Variants in RSU1 observed in about 807,000 individuals in gnomAD.
The protein encoded by RSU1 is Ras suppressor protein 1, also known as rsu-1.
RSU1 carries 26 observed loss-of-function variants against 31.1 expected under a neutral mutation model. The observed-to-expected ratio is 0.84, with a 90% CI of 0.61 to 1.16. The LOEUF (loss-of-function observed/expected upper bound fraction) is 1.16. Among genes scored for constraint, RSU1 ranks in the 50% most tolerant of loss-of-function variants. The probability of loss-of-function intolerance (pLI) is 0.00; values close to 1 mark genes in which losing one functional copy is unlikely to be tolerated. For missense variants in RSU1, 320 were observed against 339.1 expected (o/e 0.94, Z 0.44); for synonymous variants, 164 against 136.3 (o/e 1.20, Z -1.41).
At chr10:16,709,508 C>A (rs994697172) in intron 7 of RSU1, among the ~76,000 whole-genome samples, 5 of 152,130 alleles carry the variant, frequency 3.3e-5, no homozygotes, top group African/African-American at 1.2e-4. Context: ...TGGGTATATA[C>A]CCAGCAATGG....
chr10:16,814,463 A>AC, intron 2 of RSU1, among the ~76,000 whole-genome samples: 1 of 143,758 alleles, frequency 7.0e-6, no homozygotes, highest in Non-Finnish European at 1.5e-5. Flanking sequence ...AAAAAAAAAA[A>AC]AAAAAGAAAA....
At chr10:16,759,956 A>G (rs1365074899) in intron 4 of RSU1, among the ~76,000 whole-genome samples, 3 of 152,166 alleles carry the variant, frequency 2.0e-5, no homozygotes, top group Non-Finnish European at 4.4e-5. Context: ...GCTCCTTAGA[A>G]TAAGGAGTCC....
intron 7 of RSU1, among the ~76,000 whole-genome samples, chr10:16,716,142 CTG>C (rs1024854379): frequency 1.3e-5 from 2 of 152,136 alleles, no homozygotes; most frequent in Admixed American, 1.3e-4. Context: ...ATTATGGAAA[CTG>C]AAACTATCTC....
intron 7 of RSU1, among the ~76,000 whole-genome samples, chr10:16,714,974 T>C (rs998844854): frequency 2.6e-4 from 39 of 152,292 alleles, no homozygotes; most frequent in African/African-American, 8.4e-4. Flanking sequence ...CAATGGGGAC[T>C]GCTGGGAATC....
At chr10:16,801,772 A>G (rs1838160331) in intron 2 of RSU1, among the ~76,000 whole-genome samples, 2 of 152,290 alleles carry the variant, frequency 1.3e-5, no homozygotes, top group Admixed American at 6.5e-5. Flanking sequence ...TTAACAACAT[A>G]TTTCTAAATA....
intron 7 of RSU1, among the ~76,000 whole-genome samples, chr10:16,713,206 A>T (rs971917697): frequency 1.1e-4 from 16 of 151,974 alleles, no homozygotes; most frequent in Non-Finnish European, 2.1e-4. Context: ...CTAACTGGGG[A>T]CCTCTGAACT....
At chr10:16,652,956 T>C (rs1163893626) in intron 8 of RSU1, among the ~76,000 whole-genome samples, 2 of 152,018 alleles carry the variant, frequency 1.3e-5, no homozygotes, top group African/African-American at 4.8e-5. Context: ...CGAGATTACA[T>C]GCGTGAGCCA....
intron 7 of RSU1, among the ~76,000 whole-genome samples, chr10:16,736,852 A>G (rs1836638438): frequency 1.3e-5 from 2 of 152,146 alleles, no homozygotes. Flanking sequence ...ATGAAATTAT[A>G]AAAAGAGCTA....
chr10:16,695,983 T>A (rs866400899), intron 7 of RSU1, among the ~76,000 whole-genome samples: 11 of 152,158 alleles, frequency 7.2e-5, no homozygotes, highest in African/African-American at 2.7e-4. Context: ...CCTCTGTTAA[T>A]GACCAGTTGA....
chr10:16,708,855 G>C (rs1835959792), intron 7 of RSU1, among the ~76,000 whole-genome samples: 1 of 150,740 alleles, frequency 6.6e-6, no homozygotes, highest in Admixed American at 6.6e-5. Context: ...CTGTTTTCTT[G>C]ATTTCTTTTT....
chr10:16,683,871 T>C (rs1436552199), intron 8 of RSU1, among the ~76,000 whole-genome samples: 6 of 152,260 alleles, frequency 3.9e-5, no homozygotes, highest in African/African-American at 1.4e-4. Context: ...CTTCGAACAA[T>C]TCGAAGCTGG....
intron 2 of RSU1, among the ~76,000 whole-genome samples, chr10:16,805,774 T>C (rs896336800): frequency 2.0e-5 from 3 of 151,968 alleles, no homozygotes; most frequent in Non-Finnish European, 2.9e-5. Context: ...ATTAGTATTG[T>C]TAATTGCGTG....
chr10:16,641,595 C>T (rs11254120), intron 8 of RSU1, among the ~76,000 whole-genome samples: 50,484 of 152,002 alleles, frequency 0.33, 9,408 homozygotes, highest in African/African-American at 0.5. Flanking sequence ...AAGCACACAG[C>T]CAGGGCTTGG....
chr10:16,710,896 T>TA (rs1836004466), intron 7 of RSU1, among the ~76,000 whole-genome samples: 1 of 152,156 alleles, frequency 6.6e-6, no homozygotes, highest in Non-Finnish European at 1.5e-5. Context: ...AACTCCCACT[T>TA]ATCAGTGAGA....
chr10:16,714,229 G>A (rs1186946473), intron 7 of RSU1, among the ~76,000 whole-genome samples: 2 of 152,206 alleles, frequency 1.3e-5, no homozygotes, highest in Non-Finnish European at 2.9e-5. Context: ...CTACTGGTCT[G>A]ATGCTGTGCC....
In RSU1 at chr10:16,647,836, A is replaced by G. The variant is rs150657051; in HGVS notation, c.731+47187T>C. Among the ~76,000 whole-genome samples the G allele has an allele frequency of 5.8e-3, 890 of 152,310 alleles. 8 individuals are homozygous for G. The highest frequency in any genetic ancestry group is 0.02 in the African/African-American group (852 of 41,572). ...TGTATGGGATGTGAATTTTATCTCA[A>G]TAAAGCTATTTAAAAAAAACTCCAC... On this transcript the variant is annotated intron_variant, in intron 8 of 8. Coordinates refer to ENST00000345264, the MANE Select transcript of RSU1 (RefSeq NM_012425.4).
chr10:16,590,771 CTATT>C lies in RSU1; in HGVS notation c.*2619_*2622del, dbSNP rs1327266349. On this transcript the variant is annotated 3_prime_UTR_variant, in exon 9 of 9. Transcript: ENST00000345264. ...TGCCTTAAAATAATTGTGTTCACCT[CTATT>C]TAATTTTTATGCACACGTATTACAA... 2 of 152,314 alleles carry C rather than the reference CTATT, an allele frequency of 1.3e-5. No homozygotes were observed. Among genetic ancestry groups the C allele is most frequent in the African/African-American group, 4.8e-5 (2 of 41,570 alleles). 9.4% of individuals were successfully genotyped at this position (152,314 alleles called of 1,614,324 possible). A position where few individuals can be genotyped will look rare whatever the true frequency, so the allele number is the denominator to read the frequency against.
chr10:16,637,800 T>C (rs902113181), intron 8 of RSU1, among the ~76,000 whole-genome samples: 1 of 151,384 alleles, frequency 6.6e-6, no homozygotes, highest in Non-Finnish European at 1.5e-5. Context: ...GGCAATTTTC[T>C]GCAATTAGTA....
At chr10:16,661,287 CGTGTGTGTGTGTGTGTGTGTGT>C (rs56675037) in intron 8 of RSU1, among the ~76,000 whole-genome samples, 1 of 132,830 alleles carries the variant, frequency 7.5e-6, no homozygotes, top group Admixed American at 7.6e-5. Context: ...GTAGAGAGTG[CGTGTGTGTGTGTGTGTGTGTGT>C]GTGTGTGTGT....
Sources: gnomAD v4.1 joint callset for allele counts (sites outside exome capture counted in the v4.1 genomes callset) on GRCh38, gnomAD v4.1.1 for gene constraint, MANE v1.5 for transcripts, NCBI Gene and HGNC (gene_info 2026-07-23, HGNC 2026-07-21) for gene names.